Variants in WNT3A observed in about 807,000 individuals in gnomAD.
WNT3A encodes Wnt family member 3A.
WNT3A carries 17 observed loss-of-function variants against 37.0 expected under a neutral mutation model. The ratio of observed to expected loss-of-function variants is 0.46; its 90% CI spans 0.31 to 0.69. The LOEUF (loss-of-function observed/expected upper bound fraction) is 0.69, where lower values mean the gene tolerates loss of function less well. WNT3A is among the 30% of genes least tolerant of loss of function. The pLI is 0.05. For missense variants in WNT3A, 411 were observed against 510.2 expected (o/e 0.81, Z 1.87); for synonymous variants, 187 against 211.0 (o/e 0.89, Z 0.99).
intron 3 of WNT3A, among the ~76,000 whole-genome samples, chr1:228,052,344 A>G (rs529187370): frequency 3.3e-5 from 5 of 152,106 alleles, no homozygotes; most frequent in Non-Finnish European, 7.4e-5. Context: ...GGGTTTCACC[A>G]TGTTGGCCAG....
At chr1:228,014,484 G>A (rs2030467908) in intron 1 of WNT3A, among the ~76,000 whole-genome samples, 1 of 152,186 alleles carries the variant, frequency 6.6e-6, no homozygotes, top group Non-Finnish European at 1.5e-5. Flanking sequence ...AAGACACCAG[G>A]CCTGGACTTG....
At chr1:228,023,896 T>C (rs60365739) in intron 2 of WNT3A, among the ~76,000 whole-genome samples, 5,935 of 152,312 alleles carry the variant, frequency 0.039, 363 homozygotes, top group African/African-American at 0.12. Flanking sequence ...CTTTGCCTGT[T>C]TAAGAAACGG....
intron 1 of WNT3A, among the ~76,000 whole-genome samples, chr1:228,018,105 C>T (rs930521203): frequency 1.3e-5 from 2 of 152,196 alleles, no homozygotes; most frequent in African/African-American, 4.8e-5. Flanking sequence ...ACCCTGAGAA[C>T]TTGCGCTGAG....
chr1:228,047,245 G>A (rs751653618), intron 2 of WNT3A, among the ~76,000 whole-genome samples: 9 of 152,180 alleles, frequency 5.9e-5, no homozygotes, highest in African/African-American at 1.7e-4. Flanking sequence ...AGGGAGGGAC[G>A]GGGCTGCTGG....
At chr1:228,034,382 G>A (rs2031087383) in intron 2 of WNT3A, among the ~76,000 whole-genome samples, 1 of 152,168 alleles carries the variant, frequency 6.6e-6, no homozygotes. Context: ...TTAATTTGCA[G>A]ATTCATTAGG....
intron 2 of WNT3A, among the ~76,000 whole-genome samples, chr1:228,040,915 T>C (rs1350576461): frequency 6.8e-6 from 1 of 148,102 alleles, no homozygotes; most frequent in Non-Finnish European, 1.5e-5. Context: ...TTTGGAAACA[T>C]ATCCTTCCTG....
intron 1 of WNT3A, among the ~76,000 whole-genome samples, chr1:228,021,761 C>T (rs1415723239): frequency 6.6e-6 from 1 of 152,226 alleles, no homozygotes; most frequent in East Asian, 1.9e-4. Flanking sequence ...CTGGGTCACG[C>T]CTACATCCCG....
At chr1:228,030,219 A>AC (rs2030966080) in intron 2 of WNT3A, among the ~76,000 whole-genome samples, 1 of 151,878 alleles carries the variant, frequency 6.6e-6, no homozygotes, top group African/African-American at 2.4e-5. Flanking sequence ...ACATGGTGAA[A>AC]CCCTGCCTCT....
chr1:228,035,519 G>A (rs930446247), intron 2 of WNT3A, among the ~76,000 whole-genome samples: 3 of 152,196 alleles, frequency 2.0e-5, no homozygotes, highest in African/African-American at 4.8e-5. Context: ...GGTGCAGCCC[G>A]GGAGGAAGCA....
rs2030256172 is a variant in WNT3A, at chr1:228,008,079, G to A, written c.71+880G>A. 6.6e-6 allele frequency among the ~76,000 whole-genome samples: 1 copy of A among 152,202 alleles called. No individual in the cohort carries two copies. The highest frequency in any genetic ancestry group is 1.5e-5 in the Non-Finnish European group (1 of 68,036). ...GCACATATCCTGTGGGAGGGGGAAC[G>A]GTGGCCACACTTTCGCCAGGGCTTG... On this transcript the variant is annotated intron_variant, in intron 1 of 3. Coordinates refer to ENST00000284523, the MANE Select transcript of WNT3A (RefSeq NM_033131.4). This position sits in a 1 kb window ranked among gnomAD's most constrained non-coding sequence, Gnocchi z 4.9.
intron 2 of WNT3A, among the ~76,000 whole-genome samples, chr1:228,049,869 C>A (rs941542982): frequency 3.3e-5 from 5 of 152,166 alleles, no homozygotes; most frequent in African/African-American, 1.2e-4. Flanking sequence ...CCTCAAACTC[C>A]TGGGCTCTAG....
At chr1:228,021,358 G>A (rs924127964) in intron 1 of WNT3A, among the ~76,000 whole-genome samples, 3 of 152,234 alleles carry the variant, frequency 2.0e-5, no homozygotes, top group Non-Finnish European at 2.9e-5. Context: ...CACAGCCTGG[G>A]AGCTGTTGGG....
intron 1 of WNT3A, among the ~76,000 whole-genome samples, chr1:228,014,350 C>T (rs2030464802): frequency 6.6e-6 from 1 of 152,236 alleles, no homozygotes. Context: ...GCCCACCTTC[C>T]AGGCCTGTCC....
At position 228,059,600 on chromosome 1, in the gene WNT3A, C is replaced by T. The variant is rs992932743; in HGVS notation, c.*135C>T. ...GGGACTCCTCCCTGGGGGTGGGGCTCCTACCTGGGGGCAGAACTCCTACCT... is the reference window on the plus strand; with the variant it reads ...GGGACTCCTCCCTGGGGGTGGGGCTTCTACCTGGGGGCAGAACTCCTACCT... On this transcript the variant is annotated 3_prime_UTR_variant, in exon 4 of 4. Coordinates refer to ENST00000284523, the MANE Select transcript of WNT3A (RefSeq NM_033131.4). 144 of 1,387,000 alleles carry T rather than the reference C, an allele frequency of 1.0e-4. 1 individual carries two copies. Among genetic ancestry groups the T allele is most frequent in the African/African-American group, 1.7e-4 (11 of 65,598 alleles). The allele number at this position is 1,387,000 out of a possible 1,614,324, so 85.9% of individuals were successfully genotyped here.
rs2031521317 is a variant in WNT3A at position 228,050,563 on chromosome 1, T to G, written c.314-93T>G. 6.8e-7 allele frequency: 1 copy of G among 1,465,572 alleles called. No individual in the cohort carries two copies. The allele number at this position is 1,465,572 out of a possible 1,614,324, so 90.8% of individuals were successfully genotyped here. A position where few individuals can be genotyped will look rare whatever the true frequency, so the allele number is the denominator to read the frequency against. Reference sequence around the variant, plus strand: ...CACCACCCAACCTCACGAGTTCCTTTATAACAATGCAAATGGGCTAAGACC... The same window carrying G: ...CACCACCCAACCTCACGAGTTCCTTGATAACAATGCAAATGGGCTAAGACC... On this transcript the variant is annotated intron_variant, in intron 2 of 3. Coordinates refer to ENST00000284523, the MANE Select transcript of WNT3A (RefSeq NM_033131.4). The surrounding 1 kb of genome is among the most constrained non-coding windows in gnomAD (Gnocchi z 5.0).
Position 228,007,108 on chromosome 1 carries a change from TC to T in WNT3A, c.-19del. 6.5e-7 allele frequency: 1 copy of T among 1,540,982 alleles called. No homozygotes were observed. The highest frequency in any genetic ancestry group is 8.7e-7 in the Non-Finnish European group (1 of 1,143,820). ...CGCTCTCGGGGCGGACTCCCGGCCC[TC>T]CGCGCCCTCTCGCGCGGCGATGGCC... On this transcript the variant is annotated 5_prime_UTR_variant, in exon 1 of 4. Transcript: ENST00000284523. This position sits in a 1 kb window ranked among gnomAD's most constrained non-coding sequence, Gnocchi z 6.0.
Position 228,043,381 on chromosome 1 carries a change from G to T in WNT3A, c.314-7275G>T, listed in dbSNP as rs563170056. Among the ~76,000 whole-genome samples, 176 of 152,308 alleles carry T rather than the reference G, an allele frequency of 1.2e-3. 1 individual carries two copies. Among genetic ancestry groups the T allele is most frequent in the African/African-American group, 4.0e-3 (165 of 41,566 alleles). ...ACTTGGCCAAATTGGCAGCATTTGT[G>T]TCTAAGCACCCTGCCTCCCAGTAGC... On this transcript the variant is annotated intron_variant, in intron 2 of 3. Transcript: ENST00000284523.
At chr1:228,018,695 T>C (rs1170927838) in intron 1 of WNT3A, among the ~76,000 whole-genome samples, 1 of 152,114 alleles carries the variant, frequency 6.6e-6, no homozygotes, top group East Asian at 1.9e-4. Flanking sequence ...CCCAGCCTTA[T>C]ATTTGATTTT....
intron 2 of WNT3A, among the ~76,000 whole-genome samples, chr1:228,033,315 G>A (rs1408467031): frequency 1.3e-5 from 2 of 151,894 alleles, no homozygotes; most frequent in Admixed American, 6.5e-5. Flanking sequence ...TAGCGTTTTA[G>A]TGCTTACATC....
Sources: gnomAD v4.1 joint callset for allele counts (sites outside exome capture counted in the v4.1 genomes callset) on GRCh38, gnomAD v4.1.1 for gene constraint, Gnocchi (gnomAD v3.1) non-coding constraint, MANE v1.5 for transcripts, NCBI Gene and HGNC (gene_info 2026-07-23, HGNC 2026-07-21) for gene names.